OFD1: variants seen among roughly 807,000 people sequenced by gnomAD.
OFD1 encodes OFD1 centriole and centriolar satellite protein.
In OFD1, 12 loss-of-function variants were observed where a neutral mutation model predicts 81.4. That is an observed-to-expected ratio of 0.15 (90% CI 0.09 to 0.24). The LOEUF (loss-of-function observed/expected upper bound fraction) is 0.24. Among genes scored for constraint, OFD1 ranks in the 10% least tolerant of loss-of-function variants. The probability of loss-of-function intolerance (pLI) is 1.00; values close to 1 mark genes in which losing one functional copy is unlikely to be tolerated. For missense variants in OFD1, 685 were observed against 733.9 expected, an observed-to-expected ratio of 0.93 and a Z score of 0.77; for synonymous variants, 256 against 263.7, an observed-to-expected ratio of 0.97 and a Z score of 0.28.
chrX:13,745,151 G>A (rs1000447147), intron 6 of OFD1, among the ~76,000 whole-genome samples: 1 of 112,225 alleles, frequency 8.9e-6, no homozygotes, highest in Non-Finnish European at 1.9e-5. Context: ...TAACTTGCAA[G>A]AAGATAAGTT....
At chrX:13,764,077 G>A (rs932998617) in intron 19 of OFD1, among the ~76,000 whole-genome samples, 1 of 111,677 alleles carries the variant, frequency 9.0e-6, no homozygotes, top group Non-Finnish European at 1.9e-5. Context: ...CACGTTGGAA[G>A]GAAAGGCTTC....
chrX:13,725,722 C>T, the OFD1 span, among the ~76,000 whole-genome samples: 2 of 112,329 alleles, frequency 1.8e-5, no homozygotes, highest in Admixed American at 9.4e-5. Context: ...TGCAGCTCCT[C>T]GCCAGCAATG....
intron 8 of OFD1, 148 bp downstream of exon 8, chrX:13,747,101 G>T (rs1321138733): frequency 7.1e-6 from 4 of 559,524 alleles, no homozygotes; most frequent in Non-Finnish European, 1.2e-5. Flanking sequence ...TAGAAGGATG[G>T]TCCTTGAAAA....
At chrX:13,749,289 G>C (rs1481229604) in intron 8 of OFD1, 138 bp from the exon 9 acceptor site, 1 of 474,602 alleles carries the variant, frequency 2.1e-6, no homozygotes, top group Non-Finnish European at 3.8e-6. Flanking sequence ...TATACCTTGA[G>C]TCGGAATCTC....
intron 15 of OFD1, among the ~76,000 whole-genome samples, chrX:13,759,902 TATATC>T (rs1295887155): frequency 8.9e-6 from 1 of 112,202 alleles, no homozygotes; most frequent in Non-Finnish European, 1.9e-5. Context: ...ATTCTGAAAT[TATATC>T]ATGTTACAAA....
chrX:13,772,593 C>T (rs954521720), downstream of OFD1: 5 of 263,017 alleles, frequency 1.9e-5, no homozygotes, highest in East Asian at 1.3e-4. Context: ...GTAGAATTGC[C>T]CTAGCAATAA....
rs760472897 is a variant in OFD1, at chrX:13,754,172, G to A, written c.1129+731G>A. On this transcript the variant is annotated intron_variant, in intron 11 of 22. Transcript: ENST00000340096. ...AATTTTTTGTATTTTTAGTAGAGGCGGGGTCTCAGCGTGTTAGCCAGGATG... is the reference window on the plus strand; with the variant it reads ...AATTTTTTGTATTTTTAGTAGAGGCAGGGTCTCAGCGTGTTAGCCAGGATG... 4.8e-3 allele frequency among the ~76,000 whole-genome samples: 534 copies of A among 110,591 alleles called. 4 individuals are homozygous for A. The highest frequency in any genetic ancestry group is 8.9e-3 in the Admixed American group (93 of 10,448).
At chrX:13,764,713 A>G (rs921066781) in intron 19 of OFD1, among the ~76,000 whole-genome samples, 2 of 112,670 alleles carry the variant, frequency 1.8e-5, no homozygotes, top group Non-Finnish European at 3.8e-5. Flanking sequence ...AGGAACATAT[A>G]AAATAACTGA....
chrX:13,733,377 A>T (rs2046723667), upstream of OFD1, among the ~76,000 whole-genome samples: 1 of 110,939 alleles, frequency 9.0e-6, no homozygotes, highest in Non-Finnish European at 1.9e-5. Context: ...TCCCAAATTC[A>T]CTTTGACTAT....
intron 15 of OFD1, among the ~76,000 whole-genome samples, chrX:13,758,864 G>A (rs1248707998): frequency 2.7e-5 from 3 of 111,550 alleles, no homozygotes; most frequent in Non-Finnish European, 5.6e-5. Context: ...AATCAGAACT[G>A]TTCTTCTTTT....
At chrX:13,764,988 C>G (rs1179438251) in intron 19 of OFD1, among the ~76,000 whole-genome samples, 1 of 111,620 alleles carries the variant, frequency 9.0e-6, no homozygotes, top group East Asian at 2.8e-4. Flanking sequence ...TACAGGCACT[C>G]ATTTGGCACA....
At chrX:13,752,000 T>G in intron 10 of OFD1, among the ~76,000 whole-genome samples, 1 of 112,275 alleles carries the variant, frequency 8.9e-6, no homozygotes, top group African/African-American at 3.2e-5. Flanking sequence ...ATAACCACTT[T>G]TAGTTATCTT....
downstream of OFD1, chrX:13,771,021 C>T (rs1412890726): frequency 3.6e-5 from 4 of 112,524 alleles, no homozygotes; most frequent in Non-Finnish European, 7.5e-5. Flanking sequence ...AATAAGCATA[C>T]ACAAGTATTG....
chrX:13,749,744 A>G (rs779171675), intron 9 of OFD1, among the ~76,000 whole-genome samples: 3 of 112,722 alleles, frequency 2.7e-5, no homozygotes, highest in Admixed American at 9.3e-5. Flanking sequence ...ATGAGATGCT[A>G]TCATCAGGCT....
intron 1 of OFD1, 28 bp downstream of exon 1, chrX:13,735,111 G>A (rs181620366): frequency 6.6e-6 from 8 of 1,205,445 alleles, no homozygotes; most frequent in Non-Finnish European, 9.0e-6. Context: ...TTCTCGGGCG[G>A]AAATAAAGTC....
In OFD1 at chrX:13,757,761, C is replaced by G. The variant is rs943660747; in HGVS notation, c.1513C>G (p.Gln505Glu). ...VEHEEFESCR[Q>E]ALHKQLQDEI... ...GCATGAGGAGTTCGAAAGCTGCAGGCAAGCTCTGCACAAACAACTGCAAGA... is the reference window on the plus strand; with the variant it reads ...GCATGAGGAGTTCGAAAGCTGCAGGGAAGCTCTGCACAAACAACTGCAAGA... The change falls in exon 14 of 23, where the codon CAA becomes GAA. Residue 505 changes from glutamine (Q) to glutamate (E), a missense_variant. Gln to Glu is a conservative substitution (Grantham distance 29). Around this residue, in one of 3 missense-constraint regions of OFD1, gnomAD observed 414 missense variants for 447.2 expected, o/e 0.93. Transcript: ENST00000340096. 8.3e-7 allele frequency: 1 copy of G among 1,208,822 alleles called. No individual in the cohort carries two copies. Among genetic ancestry groups the G allele is most frequent in the African/African-American group, 1.8e-5 (1 of 56,977 alleles).
chrX:13,736,728 C>T, intron 3 of OFD1, 50 bp downstream of exon 3: 4 of 990,405 alleles, frequency 4.0e-6, no homozygotes, highest in Non-Finnish European at 5.7e-6. Context: ...CAGGTTCTTC[C>T]TCTGCTGACA....
At chrX:13,771,221 T>G (rs1361779873), downstream of OFD1, 1 of 111,596 alleles carries the variant, frequency 9.0e-6, no homozygotes, top group Non-Finnish European at 1.9e-5. Context: ...GCTACCAGAA[T>G]TAGAAAAGTA....
At chrX:13,759,440 C>T (rs755988625) in intron 15 of OFD1, among the ~76,000 whole-genome samples, 30 of 112,270 alleles carry the variant, frequency 2.7e-4, no homozygotes, top group African/African-American at 8.1e-4. Context: ...TGTAGCATCA[C>T]GGGGAGGCAT....
Sources: allele counts gnomAD v4.1 joint callset (sites outside exome capture counted in the v4.1 genomes callset), GRCh38; gene constraint gnomAD v4.1.1; regional missense constraint gnomAD v4.1.1; transcripts MANE v1.5; gene names NCBI Gene and HGNC (gene_info 2026-07-23, HGNC 2026-07-21).